GDPD1: variants seen among roughly 807,000 people sequenced by gnomAD.
GDPD1 encodes the protein lysophospholipase D GDPD1.
In GDPD1, 28 loss-of-function variants were observed where a neutral mutation model predicts 45.1. The observed-to-expected ratio is 0.62, with a 90% CI of 0.46 to 0.85. The LOEUF (loss-of-function observed/expected upper bound fraction) is 0.85. Among genes scored for constraint, GDPD1 ranks in the 40% least tolerant of loss-of-function variants. The pLI is 0.00. For synonymous variants in GDPD1, 139 were observed against 131.4 expected (o/e 1.06, Z -0.40); for missense variants, 256 against 364.8 (o/e 0.70, Z 2.43).
chr17:59,224,639 A>C (rs1264632692), intron 1 of GDPD1, among the ~76,000 whole-genome samples: 4 of 144,126 alleles, frequency 2.8e-5, no homozygotes, highest in African/African-American at 7.6e-5. Context: ...AAAAAAAAAA[A>C]CAAAAAACAA....
chr17:59,265,885 C>G (rs1965369037), intron 6 of GDPD1, among the ~76,000 whole-genome samples: 2 of 123,848 alleles, frequency 1.6e-5, no homozygotes, highest in Admixed American at 9.3e-5. Context: ...GCCTGGGTGA[C>G]AGTGAGACCT....
intron 1 of GDPD1, among the ~76,000 whole-genome samples, chr17:59,232,215 G>A (rs567050554): frequency 6.6e-6 from 1 of 152,272 alleles, no homozygotes; most frequent in African/African-American, 2.4e-5. Context: ...CACTTTGGGA[G>A]GCCAAGGCGG....
intron 6 of GDPD1, chr17:59,260,626 AAG>A (rs1433339054): frequency 6.6e-6 from 1 of 152,194 alleles, no homozygotes; most frequent in East Asian, 1.9e-4. Flanking sequence ...ATCATCAGGT[AAG>A]AGAATTTGAA....
chr17:59,261,913 C>CTTTTTTTTTTTTTTTTTTT lies in GDPD1; in HGVS notation c.576+4077_576+4095dup, dbSNP rs58058526. On this transcript the variant is annotated intron_variant, in intron 6 of 9. Coordinates refer to ENST00000284116, the MANE Select transcript of GDPD1 (RefSeq NM_182569.4). ...TTTCCCAAAGTGCTGAGATTACAGG[C>CTTTTTTTTTTTTTTTTTTT]TTTTTTTTTTTTTTTTTTTTTTGAG... Among the ~76,000 whole-genome samples, 6 of 79,334 alleles carry CTTTTTTTTTTTTTTTTTTT rather than the reference C, an allele frequency of 7.6e-5. 1 individual carries two copies. Among genetic ancestry groups the CTTTTTTTTTTTTTTTTTTT allele is most frequent in the Non-Finnish European group, 6.6e-5 (3 of 45,444 alleles). The allele number at this position is 79,334 out of a possible 152,430, so 52.0% of individuals were successfully genotyped here. A position where few individuals can be genotyped will look rare whatever the true frequency, so the allele number is the denominator to read the frequency against.
At chr17:59,250,572 C>T (rs900708048) in intron 4 of GDPD1, among the ~76,000 whole-genome samples, 3 of 144,462 alleles carry the variant, frequency 2.1e-5, no homozygotes, top group Admixed American at 1.4e-4. Context: ...GCTATGCTCA[C>T]ACCACTATGC....
intron 6 of GDPD1, among the ~76,000 whole-genome samples, chr17:59,261,605 C>T (rs375436013): frequency 3.3e-5 from 5 of 151,734 alleles, no homozygotes; most frequent in African/African-American, 1.2e-4. Context: ...CAGATGGTCT[C>T]CTGCCTCAGC....
intron 2 of GDPD1, among the ~76,000 whole-genome samples, chr17:59,234,853 G>T (rs1334506302): frequency 6.6e-6 from 1 of 152,088 alleles, no homozygotes; most frequent in Non-Finnish European, 1.5e-5. Flanking sequence ...AAGAGAAAAT[G>T]AAACAACTGT....
chr17:59,237,003 A>G (rs2047137141), intron 2 of GDPD1, among the ~76,000 whole-genome samples: 1 of 152,212 alleles, frequency 6.6e-6, no homozygotes, highest in African/African-American at 2.4e-5. Flanking sequence ...TCAAAAAATT[A>G]CAAATATTCT....
rs1324784690 is a variant in GDPD1 at position 59,266,956 on chromosome 17, C to G, written c.577-85C>G. The G allele has an allele frequency of 2.7e-6, 3 of 1,126,508 alleles. No individual in the cohort carries two copies. The East Asian group carries it at 7.1e-5, about 27-fold the overall frequency. 69.8% of individuals were successfully genotyped at this position (1,126,508 alleles called of 1,614,324 possible). On this transcript the variant is annotated intron_variant, in intron 6 of 9. Transcript: ENST00000284116. The stretch of plus-strand genomic sequence containing the variant: ...CTTGTAATAGATTTCAACACATTGT[C>G]TTGGGAAATACTGAGAGTTGTGAAG...
At chr17:59,245,787 T>A (rs1470491412) in intron 3 of GDPD1, among the ~76,000 whole-genome samples, 1 of 151,970 alleles carries the variant, frequency 6.6e-6, no homozygotes, top group Non-Finnish European at 1.5e-5. Flanking sequence ...GAGTTTGAGA[T>A]CAGGCTAGGC....
At chr17:59,273,133 CT>C (rs71145547) in intron 9 of GDPD1, 1,858 of 164,436 alleles carry the variant, frequency 0.011, 18 homozygotes, top group East Asian at 0.068. Context: ...TTACTTTTTT[CT>C]TTTTTTTTTT....
chr17:59,230,001 T>C (rs2047076879), intron 1 of GDPD1, among the ~76,000 whole-genome samples: 1 of 152,178 alleles, frequency 6.6e-6, no homozygotes, highest in Non-Finnish European at 1.5e-5. Flanking sequence ...CTCTGCTCTT[T>C]GGTATAAAGA....
intron 4 of GDPD1, among the ~76,000 whole-genome samples, chr17:59,250,616 A>AAAT (rs1254620727): frequency 3.5e-5 from 5 of 144,660 alleles, no homozygotes; most frequent in African/African-American, 8.0e-5. Context: ...CTTGTCTCAA[A>AAAT]AAAAAAAAAA....
intron 1 of GDPD1, among the ~76,000 whole-genome samples, chr17:59,225,901 T>A (rs1054286106): frequency 2.0e-5 from 3 of 151,802 alleles, no homozygotes; most frequent in Middle Eastern, 6.8e-3. Flanking sequence ...TTTGTACTTT[T>A]AGTAGAGATG....
intron 2 of GDPD1, among the ~76,000 whole-genome samples, chr17:59,237,768 T>A (rs925858715): frequency 6.6e-6 from 1 of 151,800 alleles, no homozygotes; most frequent in Non-Finnish European, 1.5e-5. Flanking sequence ...AAGAAGGAGC[T>A]ATTTTGAAAA....
At chr17:59,255,761 AAATATAT>A (rs1289772668) in intron 4 of GDPD1, among the ~76,000 whole-genome samples, 3 of 76,880 alleles carry the variant, frequency 3.9e-5, no homozygotes, top group Non-Finnish European at 6.8e-5. Flanking sequence ...AAAAAAAAAA[AAATATAT>A]ATATATATAT....
chr17:59,257,316 C>T (rs2047317073), intron 5 of GDPD1, 76 bp downstream of exon 5: 2 of 727,482 alleles, frequency 2.7e-6, no homozygotes, highest in Non-Finnish European at 4.7e-6. Context: ...TCAGTGACTG[C>T]ATAGATTGAT....
chr17:59,256,041 C>T (rs145645045), intron 4 of GDPD1, among the ~76,000 whole-genome samples: 43 of 149,590 alleles, frequency 2.9e-4, no homozygotes, highest in African/African-American at 9.6e-4. Flanking sequence ...AAAAAGGGAC[C>T]GGGTACATGG....
chr17:59,256,397 C>A (rs1356995875), intron 4 of GDPD1, among the ~76,000 whole-genome samples: 1 of 152,082 alleles, frequency 6.6e-6, no homozygotes, highest in Non-Finnish European at 1.5e-5. Context: ...CAATTAAAGT[C>A]CCCTTCTAAT....
Sources: allele counts gnomAD v4.1 joint callset (sites outside exome capture counted in the v4.1 genomes callset), GRCh38; gene constraint gnomAD v4.1.1; transcripts MANE v1.5; gene names NCBI Gene and HGNC (gene_info 2026-07-23, HGNC 2026-07-21).